ST7L: variants seen among roughly 807,000 people sequenced by gnomAD.
The protein encoded by ST7L is suppressor of tumorigenicity 7 protein-like.
ST7L carries 57 observed loss-of-function variants against 72.5 expected under a neutral mutation model. That is an observed-to-expected ratio of 0.79 (90% CI 0.64 to 0.98). The LOEUF is 0.98. Among genes scored for constraint, ST7L ranks in the 50% least tolerant of loss-of-function variants. ST7L has a pLI of 0.00. For missense variants in ST7L, 576 were observed against 672.2 expected, an observed-to-expected ratio of 0.86 and a Z score of 1.58; for synonymous variants, 221 against 240.9, an observed-to-expected ratio of 0.92 and a Z score of 0.77.
At position 112,582,433 on chromosome 1, in the gene ST7L, A is replaced by G. The variant is rs1358691918; in HGVS notation, c.896T>C (p.Leu299Ser). 34 of 1,608,768 alleles carry G rather than the reference A, an allele frequency of 2.1e-5. No individual in the cohort carries two copies. The highest frequency in any genetic ancestry group is 2.9e-5 in the Non-Finnish European group (34 of 1,176,948). Residue 299 changes from leucine to serine, a missense_variant, in exon 8 of 15, where the codon TTG (leucine) becomes TCG (serine). By Grantham distance (145) the Leu-to-Ser change is moderately radical. Coordinates refer to ENST00000358039, the MANE Select transcript of ST7L (RefSeq NM_017744.5). ...TCCTAATTTTCTTGCACACATTGCC[A>G]ATCTTCTTTTAATATATACCAGTAC... ...TNVLVYIKRRLAMCARKLGRI... is the reference protein window; with the variant it reads ...TNVLVYIKRRSAMCARKLGRI...
chr1:112,618,784 T>C, intron 1 of ST7L, 125 bp downstream of exon 1: 1 of 1,450,812 alleles, frequency 6.9e-7, no homozygotes, highest in Non-Finnish European at 9.1e-7. Flanking sequence ...AAGAACTCAC[T>C]TGATCGCTCA....
At chr1:112,619,423 T>G, upstream of ST7L, 2 of 546,696 alleles carry the variant, frequency 3.7e-6, no homozygotes, top group Non-Finnish European at 3.2e-6. Context: ...CCCCCGGGGT[T>G]GGAAAAGCCA....
At chr1:112,520,662 TG>T (rs1652823777), downstream of ST7L, 3 of 799,590 alleles carry the variant, frequency 3.8e-6, no homozygotes, top group Non-Finnish European at 5.9e-6. Flanking sequence ...CATGGTGTCC[TG>T]GCTGGTTCCT....
intron 3 of ST7L, chr1:112,607,034 T>A (rs1014975609): frequency 1.3e-5 from 2 of 152,244 alleles, no homozygotes; most frequent in East Asian, 3.8e-4. Context: ...TTTTTAAATT[T>A]CCTGCTTTAA....
rs201787712 is a variant in ST7L, at chr1:112,566,296, TC to T, written c.1246-10279del. Among the ~76,000 whole-genome samples, 1,177 of 129,322 alleles carry T rather than the reference TC, an allele frequency of 9.1e-3. 34 individuals are homozygous for T. The highest frequency in any genetic ancestry group is 0.022 in the African/African-American group (611 of 27,724). The allele number at this position is 129,322 out of a possible 152,430, so 84.8% of individuals were successfully genotyped here. ...TTCTTTTATTTCTTTTTCTTCTTCT[TC>T]TTTTTTTTTTTTTTTTTTGAGACAG... is the stretch of plus-strand genomic sequence containing the variant. On this transcript the variant is annotated intron_variant, in intron 11 of 14. Transcript: ENST00000358039.
At chr1:112,549,205 C>T (rs1257263891) in intron 13 of ST7L, among the ~76,000 whole-genome samples, 2 of 152,062 alleles carry the variant, frequency 1.3e-5, no homozygotes, top group African/African-American at 2.4e-5. Context: ...CCAGCCTGGG[C>T]AACATGGCGA....
intron 14 of ST7L, chr1:112,539,690 A>G: frequency 2.0e-6 from 2 of 983,136 alleles, no homozygotes; most frequent in Non-Finnish European, 2.4e-6. Flanking sequence ...GAAAAAGAAA[A>G]GAAAGCTGGA....
At chr1:112,585,538 C>T (rs1029426675) in intron 6 of ST7L, among the ~76,000 whole-genome samples, 11 of 151,864 alleles carry the variant, frequency 7.2e-5, no homozygotes, top group East Asian at 1.9e-4. Context: ...GTCAGGAGAT[C>T]GAGACCACGG....
intron 11 of ST7L, among the ~76,000 whole-genome samples, chr1:112,560,363 C>T (rs1659917032): frequency 1.3e-5 from 2 of 152,122 alleles, no homozygotes; most frequent in Admixed American, 1.3e-4. Context: ...CACTGCACTC[C>T]AGCCTGGATG....
chr1:112,520,637 G>A (rs765181482), downstream of ST7L: 15 of 961,230 alleles, frequency 1.6e-5, no homozygotes, highest in Non-Finnish European at 2.4e-5. Flanking sequence ...GATGTAGAGA[G>A]TAATCCATAG....
At chr1:112,599,264 T>C (rs1667044969) in intron 4 of ST7L, among the ~76,000 whole-genome samples, 1 of 151,476 alleles carries the variant, frequency 6.6e-6, no homozygotes, top group Non-Finnish European at 1.5e-5. Flanking sequence ...TTCTTACAGG[T>C]ATCCCTTAAC....
At chr1:112,574,224 T>TC (rs959606781) in intron 11 of ST7L, among the ~76,000 whole-genome samples, 2 of 149,150 alleles carry the variant, frequency 1.3e-5, no homozygotes, top group African/African-American at 4.9e-5. Context: ...GACTTTTTTT[T>TC]TTTTTTTAAT....
chr1:112,617,872 C>CTT, intron 1 of ST7L: 1 of 574,054 alleles, frequency 1.7e-6, no homozygotes, highest in Non-Finnish European at 2.7e-6. Context: ...TAGAAACCAC[C>CTT]GTTAAGCACT....
intron 14 of ST7L, among the ~76,000 whole-genome samples, chr1:112,535,896 G>A (rs1053004826): frequency 1.3e-5 from 2 of 152,108 alleles, no homozygotes; most frequent in Non-Finnish European, 2.9e-5. Context: ...ACCCTTCTAG[G>A]AGGTAGAGAA....
chr1:112,522,906 G>A (rs1035759627), downstream of ST7L: 3 of 152,280 alleles, frequency 2.0e-5, no homozygotes, highest in Admixed American at 6.5e-5. Flanking sequence ...GGGAGGGGAA[G>A]AGAACAGCTG....
At chr1:112,566,309 T>C (rs1197997666) in intron 11 of ST7L, among the ~76,000 whole-genome samples, 1 of 143,502 alleles carries the variant, frequency 7.0e-6, no homozygotes, top group Non-Finnish European at 1.5e-5. Flanking sequence ...TTTTTTTTTT[T>C]TTTTTTGAGA....
chr1:112,562,172 T>C (rs564481695), intron 11 of ST7L, among the ~76,000 whole-genome samples: 46 of 152,126 alleles, frequency 3.0e-4, no homozygotes, highest in Admixed American at 7.2e-4. Flanking sequence ...TTCACTGTGT[T>C]GCCCAGGCTG....
At chr1:112,596,130 T>C (rs1469696638) in intron 5 of ST7L, among the ~76,000 whole-genome samples, 3 of 152,222 alleles carry the variant, frequency 2.0e-5, no homozygotes, top group African/African-American at 7.2e-5. Context: ...CCCCAACACC[T>C]ATCCTTTTGC....
chr1:112,554,633 A>C (rs1658789198), intron 12 of ST7L, among the ~76,000 whole-genome samples: 1 of 152,162 alleles, frequency 6.6e-6, no homozygotes, highest in Non-Finnish European at 1.5e-5. Context: ...ATATACCCAA[A>C]AGAACTGAAA....
Sources: gnomAD v4.1 joint callset for allele counts (sites outside exome capture counted in the v4.1 genomes callset) on GRCh38, gnomAD v4.1.1 for gene constraint, MANE v1.5 for transcripts, NCBI Gene and HGNC (gene_info 2026-07-23, HGNC 2026-07-21) for gene names.